Variants in ANKS1B observed in about 807,000 individuals in gnomAD.
ANKS1B encodes ankyrin repeat and sterile alpha motif domain-containing protein 1B.
Under a neutral mutation model 148.3 loss-of-function variants are expected in ANKS1B, and 36 were observed. That is an observed-to-expected ratio of 0.24 (90% confidence interval 0.19 to 0.32). The LOEUF is 0.32. Ranked by LOEUF, ANKS1B falls within the 10% of genes least tolerant of loss-of-function variation. ANKS1B has a pLI of 1.00. For synonymous variants in ANKS1B, 542 were observed against 560.8 expected (o/e 0.97, Z 0.47); for missense variants, 1,157 against 1,542.6 (o/e 0.75, Z 4.19).
chr12:99,438,470 C>A (rs182680761), intron 11 of ANKS1B, among the ~76,000 whole-genome samples: 26 of 151,898 alleles, frequency 1.7e-4, no homozygotes, highest in African/African-American at 6.3e-4. Context: ...CTTATCATGT[C>A]ATCTTCTCCC....
At chr12:98,788,475 A>G (rs528983553) in intron 22 of ANKS1B, among the ~76,000 whole-genome samples, 1 of 152,280 alleles carries the variant, frequency 6.6e-6, no homozygotes, top group Non-Finnish European at 1.5e-5. Context: ...ATGAGGCTAA[A>G]TGACCTTGCA....
At chr12:99,625,005 T>A (rs985300203) in intron 9 of ANKS1B, among the ~76,000 whole-genome samples, 5 of 152,062 alleles carry the variant, frequency 3.3e-5, no homozygotes, top group African/African-American at 1.2e-4. Flanking sequence ...CAGGTGCCTA[T>A]CAATGGTAAA....
At chr12:99,092,300 G>T (rs1039450606) in intron 15 of ANKS1B, among the ~76,000 whole-genome samples, 3 of 152,090 alleles carry the variant, frequency 2.0e-5, no homozygotes, top group Non-Finnish European at 4.4e-5. Flanking sequence ...TGAGCAGGGG[G>T]TGCGGCTGGG....
chr12:98,853,197 G>A (rs2099541207), intron 17 of ANKS1B, among the ~76,000 whole-genome samples: 1 of 152,110 alleles, frequency 6.6e-6, no homozygotes, highest in East Asian at 1.9e-4. Context: ...CCGGGTTTGA[G>A]GTATGGGGAA....
chr12:99,162,549 A>G (rs1465487033), intron 14 of ANKS1B, among the ~76,000 whole-genome samples: 3 of 151,926 alleles, frequency 2.0e-5, no homozygotes, highest in Non-Finnish European at 4.4e-5. Flanking sequence ...TTGTCCTGCA[A>G]TCTGCATCAT....
At chr12:99,181,126 C>G (rs2079063607) in intron 14 of ANKS1B, among the ~76,000 whole-genome samples, 1 of 152,144 alleles carries the variant, frequency 6.6e-6, no homozygotes, top group African/African-American at 2.4e-5. Flanking sequence ...TTTCTGAAGC[C>G]TTGTGTGTCA....
chr12:98,894,853 G>A (rs1281915696), intron 17 of ANKS1B: 10 of 980,528 alleles, frequency 1.0e-5, no homozygotes, highest in African/African-American at 3.5e-5. Context: ...CCGAGCGCCG[G>A]GCTCTCCCCG....
chr12:99,867,898 C>T (rs2090967239), intron 1 of ANKS1B, among the ~76,000 whole-genome samples: 2 of 152,142 alleles, frequency 1.3e-5, no homozygotes, highest in African/African-American at 2.4e-5. Context: ...TAATCGTGAA[C>T]ATGAGTACAA....
At chr12:98,943,413 T>G (rs1395915148) in intron 17 of ANKS1B, among the ~76,000 whole-genome samples, 1 of 152,246 alleles carries the variant, frequency 6.6e-6, no homozygotes, top group Non-Finnish European at 1.5e-5. Context: ...TTTATTATCT[T>G]ATAGTTCTAT....
intron 12 of ANKS1B, among the ~76,000 whole-genome samples, chr12:99,336,903 G>C (rs1287133677): frequency 1.3e-5 from 2 of 151,972 alleles, no homozygotes; most frequent in East Asian, 3.9e-4. Context: ...AATGTTATTT[G>C]TTTCTTTTCT....
chr12:99,064,934 C>T (rs953532001), intron 16 of ANKS1B, among the ~76,000 whole-genome samples: 3 of 152,038 alleles, frequency 2.0e-5, no homozygotes, highest in African/African-American at 7.2e-5. Flanking sequence ...GTAATGTTGA[C>T]CCTAGAGCCT....
rs539186178 is a variant in ANKS1B at position 99,718,093 on chromosome 12, C to T, written c.1128+54829G>A. On this transcript the variant is annotated intron_variant, in intron 8 of 26. Transcript: ENST00000683438. ...TAATTTTTTGTATTTTTAGTAGAGA[C>T]GGGGTTTCACCATGTTAGCCAGGAT... Among the ~76,000 whole-genome samples the T allele has an allele frequency of 3.3e-3, 498 of 151,686 alleles. 1 individual carries two copies. The highest frequency in any genetic ancestry group is 5.3e-3 in the Non-Finnish European group (362 of 67,874).
chr12:99,466,179 T>C (rs984006320), intron 10 of ANKS1B, among the ~76,000 whole-genome samples: 7 of 152,304 alleles, frequency 4.6e-5, no homozygotes, highest in African/African-American at 1.7e-4. Flanking sequence ...AAACTGCTCC[T>C]GAATGACTAC....
chr12:99,482,428 T>C (rs1250338138), intron 10 of ANKS1B, among the ~76,000 whole-genome samples: 3 of 152,122 alleles, frequency 2.0e-5, no homozygotes, highest in East Asian at 1.9e-4. Flanking sequence ...TTGGTAATTA[T>C]AGCATTGCAG....
At chr12:99,290,320 T>C (rs2154007783) in intron 12 of ANKS1B, among the ~76,000 whole-genome samples, 1 of 148,990 alleles carries the variant, frequency 6.7e-6, no homozygotes, top group East Asian at 1.9e-4. Context: ...CCTGATGGCT[T>C]CACTGCTAAA....
chr12:99,696,285 T>C (rs756541161), intron 8 of ANKS1B, among the ~76,000 whole-genome samples: 16 of 152,198 alleles, frequency 1.1e-4, no homozygotes, highest in Non-Finnish European at 2.4e-4. Context: ...CTACGATATA[T>C]TGTTAAGTGA....
chr12:99,085,935 A>C, intron 15 of ANKS1B, among the ~76,000 whole-genome samples: 1 of 152,182 alleles, frequency 6.6e-6, no homozygotes, highest in East Asian at 1.9e-4. Context: ...CTGGGTGATG[A>C]AATAATCTGT....
At chr12:99,233,895 A>C (rs916369119) in intron 14 of ANKS1B, among the ~76,000 whole-genome samples, 4 of 152,176 alleles carry the variant, frequency 2.6e-5, no homozygotes, top group Non-Finnish European at 5.9e-5. Flanking sequence ...TTCCTGATCC[A>C]ATAAATATTT....
intron 9 of ANKS1B, among the ~76,000 whole-genome samples, chr12:99,553,054 C>T (rs2097238182): frequency 6.6e-6 from 1 of 152,194 alleles, no homozygotes; most frequent in African/African-American, 2.4e-5. Flanking sequence ...CAGCTGTAAA[C>T]ATTTGTCATC....
Sources: allele counts gnomAD v4.1 joint callset (sites outside exome capture counted in the v4.1 genomes callset), GRCh38; gene constraint gnomAD v4.1.1; transcripts MANE v1.5; gene names NCBI Gene and HGNC (gene_info 2026-07-23, HGNC 2026-07-21).